Variants in BTBD9 observed in about 807,000 individuals in gnomAD.
BTBD9 encodes the protein BTB/POZ domain-containing protein 9.
Under a neutral mutation model 64.3 loss-of-function variants are expected in BTBD9, and 49 were observed. The observed-to-expected ratio is 0.76, with a 90% CI of 0.61 to 0.97. BTBD9 has a LOEUF of 0.97. Among genes scored for constraint, BTBD9 ranks in the 50% least tolerant of loss-of-function variants. The pLI, the probability that BTBD9 is intolerant of heterozygous loss-of-function variation, is 0.00. For missense variants in BTBD9, 598 were observed against 762.1 expected, an observed-to-expected ratio of 0.78 and a Z score of 2.53; for synonymous variants, 260 against 274.7, an observed-to-expected ratio of 0.95 and a Z score of 0.53.
In BTBD9 at chr6:38,249,237, C is replaced by T. The variant is rs148519252; in HGVS notation, c.1562+7172G>A. On this transcript the variant is annotated intron_variant, in intron 9 of 10. Transcript: ENST00000481247. ...TACTTATAGATTTGTTCTCTGCAAT[C>T]GCCATGAGTGATCTTCTTTCTTTCT... 1.4e-3 allele frequency among the ~76,000 whole-genome samples: 220 copies of T among 152,190 alleles called. 5 individuals are homozygous for T. In the East Asian group the frequency reaches 0.031, roughly 21 times the overall value.
chr6:38,480,134 G>T (rs990848015), intron 6 of BTBD9, among the ~76,000 whole-genome samples: 47 of 152,168 alleles, frequency 3.1e-4, no homozygotes, highest in African/African-American at 1.0e-3. Context: ...AGTACTACTG[G>T]GAATTGAGGG....
chr6:38,323,380 G>A (rs1466988556), intron 7 of BTBD9, among the ~76,000 whole-genome samples: 1 of 152,168 alleles, frequency 6.6e-6, no homozygotes, highest in Admixed American at 6.5e-5. Flanking sequence ...AAACAGATGG[G>A]AAGAAAAAGG....
chr6:38,591,899 G>A (rs181455607), intron 4 of BTBD9, among the ~76,000 whole-genome samples: 2 of 152,176 alleles, frequency 1.3e-5, no homozygotes, highest in East Asian at 3.9e-4. Flanking sequence ...GAATCTCCAT[G>A]TTCAGCCGGG....
At chr6:38,635,767 T>A (rs1050369225) in intron 1 of BTBD9, among the ~76,000 whole-genome samples, 2 of 152,206 alleles carry the variant, frequency 1.3e-5, no homozygotes, top group African/African-American at 4.8e-5. Context: ...AATAAATTTC[T>A]GTTCTTTATA....
chr6:38,493,099 T>C (rs931877064), intron 6 of BTBD9, among the ~76,000 whole-genome samples: 1 of 152,198 alleles, frequency 6.6e-6, no homozygotes, highest in Admixed American at 6.5e-5. Context: ...TGCTATAACC[T>C]ACCGATTACT....
intron 1 of BTBD9, among the ~76,000 whole-genome samples, chr6:38,601,427 G>T (rs1282883672): frequency 1.3e-5 from 2 of 152,074 alleles, no homozygotes; most frequent in African/African-American, 2.4e-5. Flanking sequence ...AAGTATGCTG[G>T]CCAGGCACAG....
intron 9 of BTBD9, among the ~76,000 whole-genome samples, chr6:38,251,612 T>C (rs1582115262): frequency 6.6e-6 from 1 of 152,044 alleles, no homozygotes; most frequent in South Asian, 2.1e-4. Flanking sequence ...ACTATAAAAA[T>C]ATTTCAGCCA....
chr6:38,238,181 C>G (rs1455909915), intron 9 of BTBD9, among the ~76,000 whole-genome samples: 1 of 152,190 alleles, frequency 6.6e-6, no homozygotes. Flanking sequence ...GAAATTGATT[C>G]TGAGCCAAAT....
At chr6:38,494,439 G>GGACT (rs1771852546) in intron 6 of BTBD9, among the ~76,000 whole-genome samples, 1 of 152,168 alleles carries the variant, frequency 6.6e-6, no homozygotes, top group South Asian at 2.1e-4. Flanking sequence ...TGCAATGAGA[G>GGACT]GGAATTCTCT....
intron 6 of BTBD9, among the ~76,000 whole-genome samples, chr6:38,434,457 C>T (rs988957598): frequency 1.3e-5 from 2 of 151,902 alleles, no homozygotes; most frequent in African/African-American, 4.9e-5. Flanking sequence ...CTCCCAGCCC[C>T]GCTTTGAGTT....
intron 8 of BTBD9, among the ~76,000 whole-genome samples, chr6:38,271,264 C>T (rs2127543997): frequency 6.6e-6 from 1 of 152,246 alleles, no homozygotes; most frequent in African/African-American, 2.4e-5. Flanking sequence ...TTCCTGTTGG[C>T]CCCTCCTTGT....
At chr6:38,472,796 T>C (rs1391315348) in intron 6 of BTBD9, among the ~76,000 whole-genome samples, 1 of 152,168 alleles carries the variant, frequency 6.6e-6, no homozygotes, top group Non-Finnish European at 1.5e-5. Flanking sequence ...GCTCAAGTCA[T>C]AATCAAGCCC....
intron 6 of BTBD9, among the ~76,000 whole-genome samples, chr6:38,564,846 T>C (rs1775418107): frequency 6.6e-6 from 1 of 152,014 alleles, no homozygotes; most frequent in Admixed American, 6.6e-5. Context: ...GAGCCGAGAT[T>C]GCACTGCTGC....
At chr6:38,181,968 C>T (rs1298441237) in intron 10 of BTBD9, among the ~76,000 whole-genome samples, 1 of 151,966 alleles carries the variant, frequency 6.6e-6, no homozygotes, top group African/African-American at 2.4e-5. Context: ...AGCCGGGAGA[C>T]AGAGCGAGAC....
intron 6 of BTBD9, among the ~76,000 whole-genome samples, chr6:38,432,478 T>C (rs1471799342): frequency 6.6e-6 from 1 of 151,940 alleles, no homozygotes; most frequent in Non-Finnish European, 1.5e-5. Context: ...AGATTGGGAT[T>C]ATGGGAGGGT....
intron 6 of BTBD9, among the ~76,000 whole-genome samples, chr6:38,396,291 A>G (rs946786366): frequency 6.6e-6 from 1 of 152,172 alleles, no homozygotes; most frequent in Non-Finnish European, 1.5e-5. Context: ...TAAAACCAAA[A>G]CTAAAAAGCT....
At chr6:38,419,171 T>A (rs779218881) in intron 6 of BTBD9, among the ~76,000 whole-genome samples, 1 of 152,246 alleles carries the variant, frequency 6.6e-6, no homozygotes, top group Non-Finnish European at 1.5e-5. Context: ...ATTAATAGTT[T>A]ACTATTTTAA....
At chr6:38,304,439 G>A (rs1339175260) in intron 7 of BTBD9, among the ~76,000 whole-genome samples, 7 of 151,850 alleles carry the variant, frequency 4.6e-5, no homozygotes, top group African/African-American at 1.7e-4. Context: ...CCAGCTACTC[G>A]GGAGGCTGAG....
At chr6:38,545,481 T>A (rs1000014230) in intron 6 of BTBD9, among the ~76,000 whole-genome samples, 3 of 152,044 alleles carry the variant, frequency 2.0e-5, no homozygotes, top group Admixed American at 6.5e-5. Context: ...TTGCACACTT[T>A]AAAAGAATGA....
Sources: gnomAD v4.1 joint callset for allele counts (sites outside exome capture counted in the v4.1 genomes callset) on GRCh38, gnomAD v4.1.1 for gene constraint, MANE v1.5 for transcripts, NCBI Gene and HGNC (gene_info 2026-07-23, HGNC 2026-07-21) for gene names.